TENT4B: variants seen among roughly 807,000 people sequenced by gnomAD.
TENT4B encodes the protein PAP associated domain containing 5.
A neutral mutation model predicts 75.0 loss-of-function variants in TENT4B; 10 were observed. That is an observed-to-expected ratio of 0.13 (90% CI 0.08 to 0.23). The LOEUF (loss-of-function observed/expected upper bound fraction) is 0.23, where lower values mean the gene tolerates loss of function less well. Ranked by LOEUF, TENT4B falls within the 10% of genes least tolerant of loss-of-function variation. The pLI is 1.00. For synonymous variants in TENT4B, 350 were observed against 357.7 expected (o/e 0.98, Z 0.24); for missense variants, 579 against 893.8 (o/e 0.65, Z 4.49).
chr16:50,206,168 T>C (rs2150728424), intron 1 of TENT4B, among the ~76,000 whole-genome samples: 1 of 152,232 alleles, frequency 6.6e-6, no homozygotes, highest in East Asian at 1.9e-4. Flanking sequence ...CATGAAAATA[T>C]TTCTGGAGGA....
intron 1 of TENT4B, among the ~76,000 whole-genome samples, chr16:50,172,684 T>C (rs1364691229): frequency 2.0e-5 from 3 of 152,112 alleles, no homozygotes; most frequent in African/African-American, 7.2e-5. Flanking sequence ...CGTAATTTAC[T>C]TTAGAGTTCA....
intron 1 of TENT4B, among the ~76,000 whole-genome samples, chr16:50,206,299 A>G (rs1236358021): frequency 2.0e-5 from 3 of 150,764 alleles, no homozygotes; most frequent in Non-Finnish European, 2.9e-5. Flanking sequence ...CCTTTTCAAT[A>G]TATTGTTTCA....
intron 5 of TENT4B, among the ~76,000 whole-genome samples, chr16:50,221,022 C>A (rs1355555657): frequency 2.0e-5 from 3 of 152,054 alleles, no homozygotes; most frequent in Non-Finnish European, 4.4e-5. Flanking sequence ...TGCTATGTTT[C>A]ACACCTGTAA....
chr16:50,200,708 A>G (rs1032019379), intron 1 of TENT4B, among the ~76,000 whole-genome samples: 1 of 152,010 alleles, frequency 6.6e-6, no homozygotes, highest in African/African-American at 2.4e-5. Context: ...TGCCCATTTT[A>G]AAAAATGGGT....
In TENT4B at chr16:50,231,844, A is replaced by G; in HGVS notation, c.*2516A>G. On this transcript the variant is annotated 3_prime_UTR_variant, in exon 12 of 12. Coordinates refer to ENST00000561678, the MANE Select transcript of TENT4B (RefSeq NM_001365324.3). ...TCAAGAACTTTTAGTTTGCCTGCTC[A>G]TTTGTTTTATACATTTCATCTATTT... 2.0e-6 allele frequency: 2 copies of G among 984,420 alleles called. No individual in the cohort carries two copies. Among genetic ancestry groups the G allele is most frequent in the Non-Finnish European group, 2.4e-6 (2 of 828,846 alleles). 61.0% of individuals were successfully genotyped at this position (984,420 alleles called of 1,614,324 possible).
intron 7 of TENT4B, among the ~76,000 whole-genome samples, chr16:50,223,847 T>A (rs1344215070): frequency 6.6e-6 from 1 of 152,224 alleles, no homozygotes; most frequent in East Asian, 1.9e-4. Flanking sequence ...TCTCCTTTCC[T>A]GTTTGATTTT....
chr16:50,223,875 T>C (rs1439460047), intron 7 of TENT4B, among the ~76,000 whole-genome samples: 2 of 152,236 alleles, frequency 1.3e-5, no homozygotes, highest in Non-Finnish European at 2.9e-5. Context: ...TCTTTGTGCT[T>C]TTTCCAGCTT....
intron 1 of TENT4B, among the ~76,000 whole-genome samples, chr16:50,156,469 C>T (rs111805222): frequency 0.023 from 3,432 of 151,932 alleles, 52 homozygotes; most frequent in South Asian, 0.051. Context: ...CTCAGCCTCC[C>T]GAGTAGCTGG....
chr16:50,154,398 C>T (rs1172369868), intron 1 of TENT4B, 139 bp downstream of exon 1: 10 of 1,270,638 alleles, frequency 7.9e-6, no homozygotes, highest in South Asian at 2.1e-5. Context: ...GGGGGTGCTG[C>T]TGGCCATCCC....
chr16:50,168,789 G>A (rs1444854381), intron 1 of TENT4B, among the ~76,000 whole-genome samples: 1 of 151,912 alleles, frequency 6.6e-6, no homozygotes, highest in Non-Finnish European at 1.5e-5. Context: ...GGGATTACAG[G>A]CACGCACCAC....
chr16:50,232,626 T>C lies in TENT4B; in HGVS notation c.*3298T>C. ...ACACTAGAGGGTCAGAAAAGAGTAA[T>C]GACCACCGTGACGTGCAGGATTCTC... is the stretch of plus-strand genomic sequence containing the variant. On this transcript the variant is annotated 3_prime_UTR_variant, in exon 12 of 12. Transcript: ENST00000561678. The C allele has an allele frequency of 1.0e-6, 1 of 985,306 alleles. No individual in the cohort carries two copies. The highest frequency in any genetic ancestry group is 1.2e-6 in the Non-Finnish European group (1 of 829,904). The allele number at this position is 985,306 out of a possible 1,614,324, so 61.0% of individuals were successfully genotyped here.
Position 50,231,875 on chromosome 16 carries a change from C to G in TENT4B, c.*2547C>G. ...TTTATACATTTCATCTATTTGACTC[C>G]TATCTTATTTCTTTTTTGAGTTTTA... is the stretch of plus-strand genomic sequence containing the variant. On this transcript the variant is annotated 3_prime_UTR_variant, in exon 12 of 12. Transcript: ENST00000561678. 3 of 982,372 alleles carry G rather than the reference C, an allele frequency of 3.1e-6. No homozygotes were observed. The highest frequency in any genetic ancestry group is 9.4e-5 in the South Asian group (2 of 21,206). 60.9% of individuals were successfully genotyped at this position (982,372 alleles called of 1,614,324 possible).
intron 1 of TENT4B, among the ~76,000 whole-genome samples, chr16:50,175,037 G>A (rs1354235866): frequency 6.6e-6 from 1 of 151,966 alleles, no homozygotes; most frequent in Non-Finnish European, 1.5e-5. Context: ...CACCATGCCT[G>A]GCCCCTCTTA....
At chr16:50,160,860 A>C (rs1362080375) in intron 1 of TENT4B, among the ~76,000 whole-genome samples, 1 of 152,202 alleles carries the variant, frequency 6.6e-6, no homozygotes, top group Non-Finnish European at 1.5e-5. Flanking sequence ...TTAGTGGTGG[A>C]AACTATTTCA....
Position 50,227,996 on chromosome 16 carries a change from A to G in TENT4B, c.1958A>G (p.Lys653Arg), listed in dbSNP as rs371240704. 63 of 1,613,708 alleles carry G rather than the reference A, an allele frequency of 3.9e-5. No individual in the cohort carries two copies. The highest frequency in any genetic ancestry group is 1.3e-4 in the African/African-American group (10 of 74,930). The change falls in exon 11 of 12, where the codon AAA (lysine) becomes AGA (arginine). Residue 653 changes from lysine to arginine, a missense_variant. Physicochemically the swap from Lys to Arg is conservative, Grantham distance 26 (BLOSUM62 2). Coordinates refer to ENST00000561678, the MANE Select transcript of TENT4B (RefSeq NM_001365324.3). ...ACTAACACATCCAACAGCACCAACA[A>G]ATCTCAGGTGTGTGGAACGTGGGTT... ...QTTNTSNSTN[K>R]SQHGSARLFR...
rs1309231914 is a variant in TENT4B at position 50,224,970 on chromosome 16, A to G, written c.1588A>G (p.Asn530Asp). 6.2e-7 allele frequency: 1 copy of G among 1,613,830 alleles called. No homozygotes were observed. Among genetic ancestry groups the G allele is most frequent in the Admixed American group, 1.7e-5 (1 of 60,012 alleles). The change falls in exon 9 of 12, where the codon AAT becomes GAT. Residue 530 changes from asparagine to aspartate, a missense_variant. Transcript: ENST00000561678. ...DWISKQWGLK[N>D]RPEPSCNGNG... ...GATATCAAAGCAGTGGGGCTTGAAG[A>G]ATAGACCTGAGCCTTCATGCAATGG...
At chr16:50,157,044 T>C (rs2037915143) in intron 1 of TENT4B, among the ~76,000 whole-genome samples, 1 of 152,234 alleles carries the variant, frequency 6.6e-6, no homozygotes, top group South Asian at 2.1e-4. Flanking sequence ...CACCTCGATG[T>C]TATGCTGTTC....
At chr16:50,222,528 T>C (rs1596750030) in intron 6 of TENT4B, 94 bp downstream of exon 6, 2 of 1,330,228 alleles carry the variant, frequency 1.5e-6, no homozygotes, top group Non-Finnish European at 2.1e-6. Context: ...AATCAACCTG[T>C]AATTGCATTG....
intron 1 of TENT4B, among the ~76,000 whole-genome samples, chr16:50,172,941 A>C (rs1432364295): frequency 6.6e-6 from 1 of 151,966 alleles, no homozygotes; most frequent in Admixed American, 6.6e-5. Flanking sequence ...TCCTGGCTTG[A>C]TAGCTCTTTT....
Sources: allele counts gnomAD v4.1 joint callset (sites outside exome capture counted in the v4.1 genomes callset), GRCh38; gene constraint gnomAD v4.1.1; transcripts MANE v1.5; gene names NCBI Gene and HGNC (gene_info 2026-07-23, HGNC 2026-07-21).